The following TMEFF2 variants were observed in gnomAD, a reference collection of about 807,000 sequenced individuals.
TMEFF2 encodes transmembrane protein with EGF like and two follistatin like domains 2.
Under a neutral mutation model 53.8 loss-of-function variants are expected in TMEFF2, and 28 were observed. The observed-to-expected ratio is 0.52, with a 90% CI of 0.39 to 0.71. The LOEUF (loss-of-function observed/expected upper bound fraction) is 0.71. Among genes scored for constraint, TMEFF2 ranks in the 30% least tolerant of loss-of-function variants. The probability of loss-of-function intolerance (pLI) is 0.00; values close to 1 mark genes in which losing one functional copy is unlikely to be tolerated. For synonymous variants in TMEFF2, 162 were observed against 166.3 expected (o/e 0.97, Z 0.20); for missense variants, 353 against 455.2 (o/e 0.78, Z 2.04).
chr2:191,987,255 A>AGGAG (rs1245078365), intron 7 of TMEFF2, among the ~76,000 whole-genome samples: 2 of 152,106 alleles, frequency 1.3e-5, no homozygotes, highest in African/African-American at 4.8e-5. Context: ...GAGGGAAATG[A>AGGAG]GGAGGAGGAA....
At chr2:192,141,459 G>GAAAAAAAAAAAAAAAAAAAAAAAAAAAAA (rs397987092) in intron 4 of TMEFF2, among the ~76,000 whole-genome samples, 1 of 107,230 alleles carries the variant, frequency 9.3e-6, no homozygotes, top group Non-Finnish European at 1.8e-5. Flanking sequence ...TCTCAAAAAA[G>GAAAAAAAAAAAAAAAAAAAAAAAAAAAAA]AAAAAAAAAA....
At chr2:191,983,814 T>C (rs1685911841) in intron 7 of TMEFF2, among the ~76,000 whole-genome samples, 7 of 152,224 alleles carry the variant, frequency 4.6e-5, no homozygotes, top group Admixed American at 4.6e-4. Context: ...TGCCTAATGT[T>C]TATATTCATT....
chr2:192,109,046 G>A (rs1313725244), intron 4 of TMEFF2, among the ~76,000 whole-genome samples: 1 of 151,962 alleles, frequency 6.6e-6, no homozygotes, highest in Non-Finnish European at 1.5e-5. Flanking sequence ...TTGCTTAATG[G>A]GTAGTGTTTC....
intron 5 of TMEFF2, among the ~76,000 whole-genome samples, chr2:192,022,862 GCT>G (rs1686887830): frequency 6.6e-6 from 1 of 152,002 alleles, no homozygotes; most frequent in Non-Finnish European, 1.5e-5. Context: ...TGTGCTAAGT[GCT>G]TTCTAGATAA....
intron 4 of TMEFF2, among the ~76,000 whole-genome samples, chr2:192,147,197 A>C (rs1198879071): frequency 1.3e-5 from 2 of 152,058 alleles, no homozygotes; most frequent in Non-Finnish European, 2.9e-5. Flanking sequence ...ACTGGCATCT[A>C]CTAGTTAAAC....
intron 4 of TMEFF2, among the ~76,000 whole-genome samples, chr2:192,064,240 TTTAAA>T (rs1309613485): frequency 1.6e-4 from 25 of 151,962 alleles, no homozygotes; most frequent in Non-Finnish European, 2.1e-4. Flanking sequence ...AATATGTATC[TTTAAA>T]TTATTCTATT....
intron 4 of TMEFF2, among the ~76,000 whole-genome samples, chr2:192,143,064 A>T (rs567984514): frequency 1.3e-5 from 2 of 152,292 alleles, no homozygotes; most frequent in South Asian, 2.1e-4. Flanking sequence ...TCTAGCATGT[A>T]TGGATTCAAA....
intron 1 of TMEFF2, among the ~76,000 whole-genome samples, chr2:192,193,753 T>TAGAGAGAGAGAGAGAG (rs60273464): frequency 8.2e-6 from 1 of 122,668 alleles, no homozygotes; most frequent in Admixed American, 8.0e-5. Flanking sequence ...GAGAGAGAGA[T>TAGAGAGAGAGAGAGAG]AGATAGATAG....
chr2:191,963,900 C>T (rs1269208086), intron 7 of TMEFF2, among the ~76,000 whole-genome samples: 5 of 152,036 alleles, frequency 3.3e-5, no homozygotes, highest in Admixed American at 6.6e-5. Flanking sequence ...AAAATGTATT[C>T]CTTAGTATAG....
intron 4 of TMEFF2, among the ~76,000 whole-genome samples, chr2:192,173,378 G>C (rs1488615345): frequency 6.6e-6 from 1 of 151,732 alleles, no homozygotes; most frequent in Non-Finnish European, 1.5e-5. Context: ...GATTCTTATA[G>C]ATTTAGCTAG....
At chr2:192,019,721 A>G (rs1686820673) in intron 5 of TMEFF2, among the ~76,000 whole-genome samples, 1 of 151,862 alleles carries the variant, frequency 6.6e-6, no homozygotes, top group Admixed American at 6.6e-5. Context: ...TTCTTTACTA[A>G]GAATAAAGGG....
chr2:192,069,910 TTATAA>T (rs1450007792), intron 4 of TMEFF2, among the ~76,000 whole-genome samples: 1 of 150,434 alleles, frequency 6.6e-6, no homozygotes. Context: ...TATAACTTAA[TTATAA>T]TATAATTGGA....
intron 1 of TMEFF2, among the ~76,000 whole-genome samples, chr2:192,193,307 G>T (rs940636851): frequency 3.9e-5 from 6 of 152,182 alleles, no homozygotes; most frequent in African/African-American, 1.4e-4. Flanking sequence ...AGTTTAAAAT[G>T]CCAAGGAAAT....
At chr2:191,983,015 G>A (rs923324263) in intron 7 of TMEFF2, among the ~76,000 whole-genome samples, 3 of 152,122 alleles carry the variant, frequency 2.0e-5, no homozygotes, top group Admixed American at 6.6e-5. Flanking sequence ...AGGGGACACC[G>A]AGTGTAGCAA....
In TMEFF2 at chr2:192,171,870, T is replaced by G. The variant is rs552424494; in HGVS notation, c.439+7798A>C. 8.5e-5 allele frequency among the ~76,000 whole-genome samples: 13 copies of G among 152,182 alleles called. 1 individual carries two copies. In the South Asian group the frequency reaches 2.3e-3, roughly 27 times the overall value. Reference sequence around the variant, plus strand: ...CTTTTTTGTTTACTGCTCATGTCTCTTTCCAAGAAATAAGTTCTACAAGGT... The same window carrying G: ...CTTTTTTGTTTACTGCTCATGTCTCGTTCCAAGAAATAAGTTCTACAAGGT... On this transcript the variant is annotated intron_variant, in intron 4 of 9. Transcript: ENST00000272771.
At chr2:191,967,013 C>T (rs771513911) in intron 7 of TMEFF2, among the ~76,000 whole-genome samples, 3 of 150,700 alleles carry the variant, frequency 2.0e-5, no homozygotes, top group East Asian at 3.9e-4. Context: ...TCGATGAAAA[C>T]TGGTTTAAAA....
intron 5 of TMEFF2, among the ~76,000 whole-genome samples, chr2:192,008,527 T>G (rs1686554120): frequency 6.6e-6 from 1 of 152,210 alleles, no homozygotes; most frequent in Non-Finnish European, 1.5e-5. Context: ...GCTTGCTCAT[T>G]AAGCTGGAAA....
chr2:192,066,212 T>C (rs1688166491), intron 4 of TMEFF2, among the ~76,000 whole-genome samples: 1 of 151,882 alleles, frequency 6.6e-6, no homozygotes, highest in Non-Finnish European at 1.5e-5. Context: ...TTTGGTTTGT[T>C]ATCTATAAAA....
intron 4 of TMEFF2, among the ~76,000 whole-genome samples, chr2:192,078,254 G>A (rs1688478786): frequency 6.6e-6 from 1 of 152,106 alleles, no homozygotes. Flanking sequence ...TAATATGAGG[G>A]TAACAGTACT....
Sources: allele counts gnomAD v4.1 joint callset (sites outside exome capture counted in the v4.1 genomes callset), GRCh38; gene constraint gnomAD v4.1.1; transcripts MANE v1.5; gene names NCBI Gene and HGNC (gene_info 2026-07-23, HGNC 2026-07-21).